SPAG16: variants seen among roughly 807,000 people sequenced by gnomAD.
SPAG16 encodes sperm-associated antigen 16 protein.
SPAG16 carries 86 observed loss-of-function variants against 80.4 expected under a neutral mutation model. The observed-to-expected ratio is 1.07, with a 90% CI of 0.90 to 1.28. The LOEUF is 1.28. Among genes scored for constraint, SPAG16 ranks in the 50% most tolerant of loss-of-function variants. The pLI, the probability that SPAG16 is intolerant of heterozygous loss-of-function variation, is 0.00. For missense variants in SPAG16, 870 were observed against 765.3 expected (o/e 1.14, Z -1.61); for synonymous variants, 294 against 265.9 (o/e 1.11, Z -1.03).
At chr2:213,510,435 G>T (rs926039345) in intron 10 of SPAG16, among the ~76,000 whole-genome samples, 1 of 151,856 alleles carries the variant, frequency 6.6e-6, no homozygotes, top group Non-Finnish European at 1.5e-5. Flanking sequence ...ATGTACATTA[G>T]TATAACATGC....
intron 11 of SPAG16, among the ~76,000 whole-genome samples, chr2:213,922,323 A>T (rs917376197): frequency 1.2e-4 from 19 of 152,104 alleles, no homozygotes; most frequent in African/African-American, 4.1e-4. Flanking sequence ...CCTGCTGTTT[A>T]TACTTGTGAT....
At chr2:213,643,304 G>T (rs1398890933) in intron 10 of SPAG16, among the ~76,000 whole-genome samples, 1 of 124,780 alleles carries the variant, frequency 8.0e-6, no homozygotes, top group African/African-American at 2.9e-5. Flanking sequence ...GCCTATAAAG[G>T]TTTCCACTGA....
At chr2:213,390,674 G>A (rs2067695947) in intron 9 of SPAG16, among the ~76,000 whole-genome samples, 1 of 152,062 alleles carries the variant, frequency 6.6e-6, no homozygotes, top group Non-Finnish European at 1.5e-5. Flanking sequence ...TATTTGCTCA[G>A]GCAGCAGCTG....
intron 12 of SPAG16, among the ~76,000 whole-genome samples, chr2:213,987,617 T>C (rs540044703): frequency 6.6e-6 from 1 of 152,034 alleles, no homozygotes; most frequent in Non-Finnish European, 1.5e-5. Context: ...ACTCGGACAA[T>C]TGTAGCTTTG....
intron 11 of SPAG16, among the ~76,000 whole-genome samples, chr2:213,929,261 G>T (rs1461374529): frequency 6.6e-6 from 1 of 151,850 alleles, no homozygotes; most frequent in Non-Finnish European, 1.5e-5. Context: ...CGATTCGCCT[G>T]CCTCGGCCAC....
intron 10 of SPAG16, among the ~76,000 whole-genome samples, chr2:213,719,818 C>T (rs536052817): frequency 1.3e-5 from 2 of 152,170 alleles, no homozygotes; most frequent in East Asian, 3.9e-4. Flanking sequence ...ACCATTTGAC[C>T]CAGCAATCCC....
intron 15 of SPAG16, among the ~76,000 whole-genome samples, chr2:214,348,629 C>G (rs569027812): frequency 2.6e-5 from 4 of 152,190 alleles, no homozygotes; most frequent in Non-Finnish European, 4.4e-5. Context: ...TGCAAGTATC[C>G]CATCTCAGCT....
At chr2:213,310,663 C>T (rs2063150280) in intron 4 of SPAG16, among the ~76,000 whole-genome samples, 1 of 151,620 alleles carries the variant, frequency 6.6e-6, no homozygotes, top group South Asian at 2.1e-4. Flanking sequence ...GAATATTCTT[C>T]AGTTAGAAGT....
rs572788248 is a variant in SPAG16, at chr2:214,347,533, T to C, written c.1721-62607T>C. The stretch of plus-strand genomic sequence containing the variant: ...TTCTTTATTAAGATGTTAGAAGGAC[T>C]TAAGGTGGCGCCTCATAGATCACCT... On this transcript the variant is annotated intron_variant, in intron 15 of 15. Coordinates refer to ENST00000331683, the MANE Select transcript of SPAG16 (RefSeq NM_024532.5). Among the ~76,000 whole-genome samples the C allele has an allele frequency of 2.6e-5, 4 of 152,270 alleles. No individual in the cohort carries two copies. The South Asian group carries it at 8.3e-4, about 32-fold the overall frequency.
At chr2:214,017,037 C>A (rs2047625218) in intron 13 of SPAG16, among the ~76,000 whole-genome samples, 1 of 152,066 alleles carries the variant, frequency 6.6e-6, no homozygotes. Flanking sequence ...ATATGAAGAA[C>A]AAAATATGCT....
Position 213,540,029 on chromosome 2 carries a change from ATTTT to A in SPAG16, c.1070+49959_1070+49962del, listed in dbSNP as rs58117443. 3.6e-5 allele frequency among the ~76,000 whole-genome samples: 4 copies of A among 110,816 alleles called. No individual in the cohort carries two copies. In the Admixed American group the frequency reaches 4.3e-4, roughly 12 times the overall value. The allele number at this position is 110,816 out of a possible 152,430, so 72.7% of individuals were successfully genotyped here. On this transcript the variant is annotated intron_variant, in intron 10 of 15. Transcript: ENST00000331683. Reference sequence around the variant, plus strand: ...CACAATGATACCATTATATTTCTTAATTTTTTTTTTTTTTTTTTTTTTTGAGACG... The same window carrying A: ...CACAATGATACCATTATATTTCTTAATTTTTTTTTTTTTTTTTTTGAGACG...
chr2:213,702,407 G>C lies in SPAG16; in HGVS notation c.1071-160078G>C, dbSNP rs1574865433. Reference sequence around the variant, plus strand: ...CTGTTTGGGTCCATGCAGCATTTATGAGCTGTAACACTCACCGCGAAGGTC... The same window carrying C: ...CTGTTTGGGTCCATGCAGCATTTATCAGCTGTAACACTCACCGCGAAGGTC... On this transcript the variant is annotated intron_variant, in intron 10 of 15. Transcript: ENST00000331683. 2.0e-5 allele frequency among the ~76,000 whole-genome samples: 3 copies of C among 152,266 alleles called. No individual in the cohort carries two copies. The South Asian group carries it at 6.2e-4, about 32-fold the overall frequency.
intron 14 of SPAG16, among the ~76,000 whole-genome samples, chr2:214,117,091 A>T (rs2125441212): frequency 6.6e-6 from 1 of 152,184 alleles, no homozygotes; most frequent in East Asian, 1.9e-4. Flanking sequence ...TGTTTTAAGG[A>T]TGCTCCTCAA....
chr2:214,092,292 G>T (rs1480562725), intron 13 of SPAG16, among the ~76,000 whole-genome samples: 1 of 152,070 alleles, frequency 6.6e-6, no homozygotes, highest in Non-Finnish European at 1.5e-5. Flanking sequence ...CCAAAAGGCT[G>T]TAACGATTCA....
chr2:214,041,838 A>G (rs1222193018), intron 13 of SPAG16, among the ~76,000 whole-genome samples: 2 of 151,146 alleles, frequency 1.3e-5, no homozygotes, highest in Admixed American at 6.6e-5. Flanking sequence ...AAACAAAACA[A>G]TAACACCTTG....
chr2:213,503,791 A>T (rs550507493), intron 10 of SPAG16, among the ~76,000 whole-genome samples: 5 of 152,354 alleles, frequency 3.3e-5, no homozygotes, highest in Admixed American at 2.0e-4. Context: ...AATTAAATAA[A>T]TTAAAATGTG....
intron 12 of SPAG16, among the ~76,000 whole-genome samples, chr2:213,941,730 A>G (rs1010349510): frequency 1.3e-5 from 2 of 152,086 alleles, no homozygotes; most frequent in Non-Finnish European, 2.9e-5. Context: ...TTGTGACTAT[A>G]CCATTAGCTT....
intron 15 of SPAG16, among the ~76,000 whole-genome samples, chr2:214,316,089 C>T (rs536274071): frequency 6.0e-5 from 9 of 151,192 alleles, no homozygotes; most frequent in Non-Finnish European, 1.3e-4. Flanking sequence ...TTCAATATTA[C>T]AGGAGCCTTG....
intron 9 of SPAG16, among the ~76,000 whole-genome samples, chr2:213,462,501 A>G (rs2072434322): frequency 6.6e-6 from 1 of 152,178 alleles, no homozygotes; most frequent in African/African-American, 2.4e-5. Context: ...CCCAAATCTC[A>G]TCCCGAATTA....
Sources: allele counts gnomAD v4.1 joint callset (sites outside exome capture counted in the v4.1 genomes callset), GRCh38; gene constraint gnomAD v4.1.1; transcripts MANE v1.5; gene names NCBI Gene and HGNC (gene_info 2026-07-23, HGNC 2026-07-21).